The following ROCK2 variants were observed in gnomAD, a reference collection of about 807,000 sequenced individuals.
The protein encoded by ROCK2 is Rho associated coiled-coil containing protein kinase 2.
In ROCK2, 61 loss-of-function variants were observed where a neutral mutation model predicts 195.1. That is an observed-to-expected ratio of 0.31 (90% CI 0.25 to 0.39). ROCK2 has a LOEUF of 0.39. ROCK2 is among the 10% of genes least tolerant of loss of function. The pLI, the probability that ROCK2 is intolerant of heterozygous loss-of-function variation, is 1.00. For synonymous variants in ROCK2, 504 were observed against 545.5 expected (o/e 0.92, Z 1.06); for missense variants, 1,109 against 1,637.4 (o/e 0.68, Z 5.57).
At chr2:11,295,281 T>A (rs1667476383) in intron 1 of ROCK2, among the ~76,000 whole-genome samples, 1 of 152,168 alleles carries the variant, frequency 6.6e-6, no homozygotes, top group South Asian at 2.1e-4. Context: ...CTATTCTTAA[T>A]TTAATATTGG....
At chr2:11,227,861 G>A (rs1358169749) in intron 5 of ROCK2, among the ~76,000 whole-genome samples, 2 of 151,934 alleles carry the variant, frequency 1.3e-5, no homozygotes, top group African/African-American at 2.4e-5. Flanking sequence ...ATAAAGAATT[G>A]GCTCTTGTAT....
intron 1 of ROCK2, 52 bp downstream of exon 1, chr2:11,343,944 G>A: frequency 3.2e-6 from 5 of 1,553,422 alleles, no homozygotes; most frequent in Non-Finnish European, 3.5e-6. Flanking sequence ...GGCGGAGAGG[G>A]GATCTGAGGT....
chr2:11,189,221 A>G (rs772792074), intron 32 of ROCK2, among the ~76,000 whole-genome samples: 2 of 152,212 alleles, frequency 1.3e-5, no homozygotes, highest in Non-Finnish European at 2.9e-5. Flanking sequence ...AATTAGTTCA[A>G]CTAAAGCTAG....
chr2:11,343,224 TAAGA>T (rs1669162631), intron 1 of ROCK2, among the ~76,000 whole-genome samples: 1 of 152,120 alleles, frequency 6.6e-6, no homozygotes. Context: ...CTAACAAAAA[TAAGA>T]AATAAGCCAG....
chr2:11,277,806 T>C (rs1280845993), intron 3 of ROCK2, among the ~76,000 whole-genome samples: 1 of 152,214 alleles, frequency 6.6e-6, no homozygotes, highest in Non-Finnish European at 1.5e-5. Flanking sequence ...CAAGTATCTT[T>C]TTCGTATGAC....
chr2:11,217,956 T>TA (rs1664490305), intron 11 of ROCK2: 1 of 152,996 alleles, frequency 6.5e-6, no homozygotes, highest in African/African-American at 2.4e-5. Flanking sequence ...AAAAGGTAAA[T>TA]AATCAGGCCA....
chr2:11,315,068 C>T (rs570633294), intron 1 of ROCK2, among the ~76,000 whole-genome samples: 6 of 151,948 alleles, frequency 3.9e-5, no homozygotes, highest in African/African-American at 1.4e-4. Context: ...AACTTTATAA[C>T]CTTTCTCAAT....
chr2:11,245,133 A>G (rs975925905), intron 4 of ROCK2, among the ~76,000 whole-genome samples: 13 of 151,764 alleles, frequency 8.6e-5, no homozygotes, highest in African/African-American at 3.1e-4. Flanking sequence ...AGATTAGCAT[A>G]TTTCATTTGC....
chr2:11,267,443 A>G (rs968491559), intron 3 of ROCK2, among the ~76,000 whole-genome samples: 3 of 151,754 alleles, frequency 2.0e-5, no homozygotes, highest in Non-Finnish European at 4.4e-5. Flanking sequence ...ATGTCATCTA[A>G]TCTCCCACTC....
chr2:11,193,771 A>G lies in ROCK2; in HGVS notation c.3687+8T>C, dbSNP rs774985134. 2.6e-6 allele frequency: 4 copies of G among 1,533,978 alleles called. No individual in the cohort carries two copies. Among genetic ancestry groups the G allele is most frequent in the Admixed American group, 3.6e-5 (2 of 55,224 alleles). ...CAACCAACCAAATATAAACAAAACT[A>G]TGTTTACCTGGAATATCCTTGGAAT... On this transcript the variant is annotated splice_region_variant and intron_variant, in intron 30 of 32. Coordinates refer to ENST00000315872, the MANE Select transcript of ROCK2 (RefSeq NM_004850.5).
At chr2:11,185,535 C>T (rs1323034790) in intron 32 of ROCK2, among the ~76,000 whole-genome samples, 1 of 152,154 alleles carries the variant, frequency 6.6e-6, no homozygotes. Context: ...TCAAGACCAG[C>T]CTGGCCAACA....
chr2:11,238,157 G>C (rs1050087941), intron 4 of ROCK2, among the ~76,000 whole-genome samples: 4 of 149,674 alleles, frequency 2.7e-5, no homozygotes, highest in African/African-American at 9.9e-5. Flanking sequence ...TCAGGATGAA[G>C]AGAAGGAAGA....
In ROCK2 at chr2:11,192,613, A is replaced by G; in HGVS notation, c.3787T>C (p.Phe1263Leu). 6.2e-7 allele frequency: 1 copy of G among 1,613,990 alleles called. No homozygotes were observed. Among genetic ancestry groups the G allele is most frequent in the Non-Finnish European group, 8.5e-7 (1 of 1,179,978 alleles). Reference sequence around the variant, plus strand: ...GGGAAATGATAAAGAGTAGGAATAAACTCATGTCCCTTGTGGCAAATATAA... The same window carrying G: ...GGGAAATGATAAAGAGTAGGAATAAGCTCATGTCCCTTGTGGCAAATATAA... ...SNYICHKGHE[F>L]IPTLYHFPTN... Residue 1263 changes from phenylalanine to leucine, a missense_variant, in exon 31 of 33, where the codon TTT becomes CTT. By Grantham distance (22) the Phe-to-Leu change is conservative. Transcript: ENST00000315872. This position sits in a 1 kb window ranked among gnomAD's most constrained non-coding sequence, Gnocchi z 5.0.
upstream of ROCK2, among the ~76,000 whole-genome samples, chr2:11,345,176 G>T (rs1669266578): frequency 6.6e-6 from 1 of 152,256 alleles, no homozygotes; most frequent in Non-Finnish European, 1.5e-5. Context: ...GGCCCTGGGT[G>T]TCTGGGATTC....
intron 5 of ROCK2, among the ~76,000 whole-genome samples, chr2:11,231,014 T>G (rs1664988399): frequency 6.6e-6 from 1 of 152,132 alleles, no homozygotes; most frequent in Admixed American, 6.5e-5. Flanking sequence ...AAATACATAT[T>G]TAATATGATA....
intron 1 of ROCK2, among the ~76,000 whole-genome samples, chr2:11,310,824 A>C (rs1668009596): frequency 6.6e-6 from 1 of 152,042 alleles, no homozygotes; most frequent in Non-Finnish European, 1.5e-5. Context: ...TAAATTACTT[A>C]ATTTTCCAGA....
At chr2:11,238,209 A>AGTGTGTCTGT (rs1665286183) in intron 4 of ROCK2, among the ~76,000 whole-genome samples, 1 of 135,266 alleles carries the variant, frequency 7.4e-6, no homozygotes, top group East Asian at 2.1e-4. Flanking sequence ...ATTGAGAAAG[A>AGTGTGTCTGT]GTGTGTGTGT....
At chr2:11,331,022 GGGA>G (rs1458343834) in intron 1 of ROCK2, among the ~76,000 whole-genome samples, 63 of 95,326 alleles carry the variant, frequency 6.6e-4, no homozygotes, top group African/African-American at 2.5e-3. Context: ...GAAAGAAGGA[GGGA>G]GGAGGAGGGA....
chr2:11,275,695 CT>C (rs70953379), intron 3 of ROCK2, among the ~76,000 whole-genome samples: 30,201 of 110,062 alleles, frequency 0.27, 2,514 homozygotes, highest in East Asian at 0.44. Context: ...ATTCAACAAT[CT>C]TTTTTTTTTT....
Sources: allele counts gnomAD v4.1 joint callset (sites outside exome capture counted in the v4.1 genomes callset), GRCh38; gene constraint gnomAD v4.1.1; non-coding constraint Gnocchi (gnomAD v3.1); transcripts MANE v1.5; gene names NCBI Gene and HGNC (gene_info 2026-07-23, HGNC 2026-07-21).